Variants in NF1 observed in about 807,000 individuals in gnomAD.
NF1 encodes the protein neurofibromin 1.
In NF1, 122 loss-of-function variants were observed where a neutral mutation model predicts 325.7. The observed-to-expected ratio is 0.37, with a 90% CI of 0.32 to 0.44. The LOEUF (loss-of-function observed/expected upper bound fraction) is 0.44. NF1 is among the 20% of genes least tolerant of loss of function. The pLI is 1.00. For missense variants in NF1, 2,140 were observed against 3,415.4 expected (o/e 0.63, Z 9.31); for synonymous variants, 1,091 against 1,186.0 (o/e 0.92, Z 1.65).
intron 54 of NF1, chr17:31,357,866 A>G (rs567072204): frequency 4.2e-4 from 69 of 164,804 alleles, no homozygotes; most frequent in Admixed American, 2.2e-3. Flanking sequence ...TCATGTCATT[A>G]TTTTCTTTTT....
intron 57 of NF1, among the ~76,000 whole-genome samples, chr17:31,372,384 C>T (rs1050523632): frequency 6.6e-6 from 1 of 152,032 alleles, no homozygotes; most frequent in Non-Finnish European, 1.5e-5. Flanking sequence ...CAGCTGTTTG[C>T]TTTCCCGCCA....
chr17:31,219,214 T>C (rs1450578811), intron 14 of NF1, 96 bp downstream of exon 14: 1 of 1,269,074 alleles, frequency 7.9e-7, no homozygotes, highest in East Asian at 2.5e-5. Context: ...GAGTAACAGG[T>C]AGATGTCATT....
chr17:31,260,594 G>A (rs2151465103), intron 34 of NF1, 79 bp downstream of exon 34: 1 of 1,496,768 alleles, frequency 6.7e-7, no homozygotes, highest in Non-Finnish European at 9.3e-7. Flanking sequence ...CATGAATAGT[G>A]CTTTTTACTT....
intron 1 of NF1, among the ~76,000 whole-genome samples, chr17:31,136,095 C>T (rs1045054049): frequency 7.2e-5 from 11 of 151,968 alleles, no homozygotes; most frequent in Admixed American, 1.3e-4. Context: ...TTTGGGAGGC[C>T]GAGGCGGGCG....
At chr17:31,145,150 G>A (rs1197224414) in intron 1 of NF1, among the ~76,000 whole-genome samples, 5 of 152,234 alleles carry the variant, frequency 3.3e-5, no homozygotes, top group Middle Eastern at 3.4e-3. Context: ...AACTACTGCC[G>A]TGAATGCTCT....
intron 1 of NF1, among the ~76,000 whole-genome samples, chr17:31,148,359 A>G (rs1044058497): frequency 2.0e-5 from 3 of 148,468 alleles, no homozygotes; most frequent in African/African-American, 7.4e-5. Context: ...CAGTGCTGCT[A>G]TCTGGTATGA....
chr17:31,170,778 A>G (rs2065916615), intron 5 of NF1, among the ~76,000 whole-genome samples: 1 of 152,248 alleles, frequency 6.6e-6, no homozygotes, highest in African/African-American at 2.4e-5. Context: ...TGATGTATTC[A>G]TGTAAATCAG....
At position 31,214,489 on chromosome 17, in the gene NF1, T is replaced by C. The variant is rs1555612278; in HGVS notation, c.1431T>C (p.Phe477=). Residue 477 remains phenylalanine, a synonymous_variant, in exon 13 of 58, where the codon TTT becomes TTC. Transcript: ENST00000358273. ...TFKEKVTSLK[F]KEKPTDLETR... is the part of the protein sequence containing the mutation. ...AAGAAAAAGTAACAAGCCTTAAATT[T>C]AAAGAAAAACCTACAGACCTGGAGA... 1.2e-6 allele frequency: 2 copies of C among 1,607,638 alleles called. No homozygotes were observed. Among genetic ancestry groups the C allele is most frequent in the Non-Finnish European group, 1.7e-6 (2 of 1,175,466 alleles).
intron 51 of NF1, among the ~76,000 whole-genome samples, chr17:31,352,774 A>G (rs1464014848): frequency 6.6e-6 from 1 of 151,596 alleles, no homozygotes; most frequent in East Asian, 1.9e-4. Flanking sequence ...ATATACTGTA[A>G]TACTTCCCAA....
chr17:31,188,208 A>G (rs897899041), intron 8 of NF1, among the ~76,000 whole-genome samples: 1 of 152,224 alleles, frequency 6.6e-6, no homozygotes, highest in Admixed American at 6.5e-5. Context: ...CAGAATGGCT[A>G]GTAGAAGAAG....
At chr17:31,172,696 G>A (rs1353805104) in intron 5 of NF1, among the ~76,000 whole-genome samples, 1 of 152,110 alleles carries the variant, frequency 6.6e-6, no homozygotes, top group East Asian at 1.9e-4. Context: ...ACATCTGCTC[G>A]TCTCTAGAAC....
At chr17:31,323,309 A>C (rs2069260516) in intron 36 of NF1, among the ~76,000 whole-genome samples, 1 of 151,902 alleles carries the variant, frequency 6.6e-6, no homozygotes, top group Non-Finnish European at 1.5e-5. Flanking sequence ...GCTACTCAGG[A>C]GGCTGAGGTG....
intron 14 of NF1, 100 bp from the exon 15 acceptor site, chr17:31,221,750 C>G: frequency 2.4e-6 from 2 of 819,968 alleles, no homozygotes; most frequent in African/African-American, 1.7e-5. Context: ...TGAAAGAGCT[C>G]AATTTCTTAG....
At chr17:31,323,112 A>G (rs1179259586) in intron 36 of NF1, among the ~76,000 whole-genome samples, 1 of 152,168 alleles carries the variant, frequency 6.6e-6, no homozygotes, top group East Asian at 1.9e-4. Context: ...TAAAAATTAT[A>G]AAAGCAGGAC....
intron 48 of NF1, among the ~76,000 whole-genome samples, chr17:31,348,907 A>G (rs1025750193): frequency 2.6e-5 from 4 of 152,082 alleles, no homozygotes; most frequent in Non-Finnish European, 5.9e-5. Flanking sequence ...GGAATATTAT[A>G]TTCTACACAT....
intron 1 of NF1, among the ~76,000 whole-genome samples, chr17:31,107,732 A>C (rs952656039): frequency 6.6e-6 from 1 of 152,168 alleles, no homozygotes; most frequent in Non-Finnish European, 1.5e-5. Context: ...ACACCTCACT[A>C]TCCTAATTGT....
chr17:31,197,229 G>A (rs1185137730), intron 8 of NF1, among the ~76,000 whole-genome samples: 3 of 151,486 alleles, frequency 2.0e-5, no homozygotes, highest in Non-Finnish European at 4.4e-5. Flanking sequence ...TGTATTTTTA[G>A]TAGAAACGGG....
chr17:31,212,456 C>T (rs2143947713), intron 12 of NF1, among the ~76,000 whole-genome samples: 1 of 152,324 alleles, frequency 6.6e-6, no homozygotes, highest in South Asian at 2.1e-4. Context: ...CGCCTGTAGT[C>T]CCAGCACTTT....
intron 8 of NF1, chr17:31,183,313 T>C: frequency 6.5e-6 from 1 of 154,286 alleles, no homozygotes; most frequent in Non-Finnish European, 1.4e-5. Flanking sequence ...TTTTTGCTGC[T>C]TTTGGAGAAA....
Sources: allele counts gnomAD v4.1 joint callset (sites outside exome capture counted in the v4.1 genomes callset), GRCh38; gene constraint gnomAD v4.1.1; transcripts MANE v1.5; gene names NCBI Gene and HGNC (gene_info 2026-07-23, HGNC 2026-07-21).